The following GPHN variants were observed in gnomAD, a reference collection of about 807,000 sequenced individuals.
GPHN encodes the protein gephyrin.
A neutral mutation model predicts 95.5 loss-of-function variants in GPHN; 17 were observed. The observed-to-expected ratio is 0.18, with a 90% CI of 0.12 to 0.27. GPHN has a LOEUF of 0.27. Ranked by LOEUF, GPHN falls within the 10% of genes least tolerant of loss-of-function variation. The probability of loss-of-function intolerance (pLI) is 1.00; values close to 1 mark genes in which losing one functional copy is unlikely to be tolerated. For synonymous variants in GPHN, 320 were observed against 322.5 expected (o/e 0.99, Z 0.08); for missense variants, 660 against 978.1 (o/e 0.67, Z 4.34).
At chr14:67,350,001 G>A in the GPHN span, among the ~76,000 whole-genome samples, 1 of 152,176 alleles carries the variant, frequency 6.6e-6, no homozygotes, top group African/African-American at 2.4e-5. Context: ...CCTCAGGAAG[G>A]CATTTAATTA....
At chr14:67,331,270 C>T in the GPHN span, among the ~76,000 whole-genome samples, 6 of 152,272 alleles carry the variant, frequency 3.9e-5, no homozygotes, top group African/African-American at 7.2e-5. Context: ...GTCTCAAGCT[C>T]CCGGCCCCAT....
At chr14:67,139,745 G>A (rs192944268) in intron 17 of GPHN, among the ~76,000 whole-genome samples, 1 of 152,230 alleles carries the variant, frequency 6.6e-6, no homozygotes, top group Non-Finnish European at 1.5e-5. Context: ...TAGTAAGGCA[G>A]GATGTCTGAT....
chr14:67,658,045 G>A, the GPHN span, among the ~76,000 whole-genome samples: 533 of 152,230 alleles, frequency 3.5e-3, 3 homozygotes, highest in South Asian at 6.2e-3. Context: ...CACTGTGCCC[G>A]GCGCTCTGTA....
intron 2 of GPHN, among the ~76,000 whole-genome samples, chr14:66,696,678 G>T (rs939936025): frequency 8.5e-5 from 13 of 152,146 alleles, no homozygotes; most frequent in African/African-American, 2.9e-4. Flanking sequence ...AGTTGAGTGG[G>T]GAGCCTGGAT....
chr14:67,187,656 CTCT>C, the GPHN span, among the ~76,000 whole-genome samples: 1 of 152,190 alleles, frequency 6.6e-6, no homozygotes, highest in African/African-American at 2.4e-5. Context: ...ATCATCTAGG[CTCT>C]TCTTCCGTGA....
intron 17 of GPHN, among the ~76,000 whole-genome samples, chr14:67,126,598 C>T (rs1344023200): frequency 6.6e-6 from 1 of 152,032 alleles, no homozygotes; most frequent in African/African-American, 2.4e-5. Flanking sequence ...AAATTTGAAC[C>T]AGATTTTGAA....
At chr14:66,966,234 C>G (rs1258919748) in intron 9 of GPHN, among the ~76,000 whole-genome samples, 1 of 152,070 alleles carries the variant, frequency 6.6e-6, no homozygotes, top group Non-Finnish European at 1.5e-5. Context: ...TTCCTCAATT[C>G]CATCTTTTCT....
At chr14:67,359,732 C>T in the GPHN span, 2 of 1,613,432 alleles carry the variant, frequency 1.2e-6, no homozygotes, top group Non-Finnish European at 1.7e-6. Flanking sequence ...GGTCCCCGGC[C>T]GGGCAACCGA....
intron 2 of GPHN, among the ~76,000 whole-genome samples, chr14:66,762,558 T>A (rs2058797391): frequency 2.1e-5 from 3 of 143,330 alleles, no homozygotes; most frequent in Non-Finnish European, 3.1e-5. Flanking sequence ...TGTCACATAG[T>A]AAAAAAAAAA....
chr14:67,157,179 G>A (rs2081646866), intron 18 of GPHN, among the ~76,000 whole-genome samples: 1 of 151,916 alleles, frequency 6.6e-6, no homozygotes, highest in South Asian at 2.1e-4. Flanking sequence ...ATTGATAACA[G>A]AGAAAATTCT....
chr14:67,196,211 TTTTC>T, the GPHN span, among the ~76,000 whole-genome samples: 6 of 150,102 alleles, frequency 4.0e-5, no homozygotes, highest in Admixed American at 6.7e-5. Context: ...CTTTCTTTTC[TTTTC>T]TTTCTTTCTT....
the GPHN span, among the ~76,000 whole-genome samples, chr14:67,192,788 ATGTG>A: frequency 6.8e-6 from 1 of 148,058 alleles, no homozygotes; most frequent in Non-Finnish European, 1.5e-5. Flanking sequence ...ATATATATGT[ATGTG>A]TGTGTATATA....
chr14:67,279,087 T>A, the GPHN span: 3 of 1,256,504 alleles, frequency 2.4e-6, no homozygotes, highest in African/African-American at 1.5e-5. Flanking sequence ...TGAAGTAACA[T>A]GGATTTTATA....
rs550192384 is a variant in GPHN, at chr14:67,036,306, A to G, written c.1006+12631A>G. Among the ~76,000 whole-genome samples, 32 of 151,488 alleles carry G rather than the reference A, an allele frequency of 2.1e-4. 1 individual carries two copies. Among genetic ancestry groups the G allele is most frequent in the Admixed American group, 1.4e-3 (22 of 15,246 alleles). On this transcript the variant is annotated intron_variant, in intron 10 of 22. Transcript: ENST00000478722. ...AAACTGGAAGCTTTTTTTTTTTAAG[A>G]TCAAGAACAAAGCAAAGATGCTCAT... is the stretch of plus-strand genomic sequence containing the variant.
chr14:66,613,770 A>T (rs1242306843), intron 1 of GPHN, among the ~76,000 whole-genome samples: 3 of 152,130 alleles, frequency 2.0e-5, no homozygotes, highest in African/African-American at 7.2e-5. Flanking sequence ...TTTCTTGGAT[A>T]AATATTAGTA....
intron 1 of GPHN, among the ~76,000 whole-genome samples, chr14:66,553,210 C>T (rs888012101): frequency 5.3e-5 from 8 of 151,964 alleles, no homozygotes; most frequent in African/African-American, 1.7e-4. Flanking sequence ...AGGCTGGTCT[C>T]GAACTTTTGA....
chr14:67,266,336 A>C, the GPHN span, among the ~76,000 whole-genome samples: 1 of 142,124 alleles, frequency 7.0e-6, no homozygotes, highest in Non-Finnish European at 1.5e-5. Flanking sequence ...CAAATATTTC[A>C]ATTTTTTTTT....
the GPHN span, chr14:67,228,646 A>G: frequency 6.6e-6 from 1 of 152,252 alleles, no homozygotes; most frequent in Admixed American, 6.5e-5. Context: ...CAAAACGGTA[A>G]GATTTTCAAT....
In GPHN at chr14:66,724,022, A is replaced by ACAC. The variant is rs2071000562; in HGVS notation, c.143+42837_143+42838insCAC. 1.1e-4 allele frequency among the ~76,000 whole-genome samples: 15 copies of ACAC among 132,348 alleles called. No individual in the cohort carries two copies. In the East Asian group the frequency reaches 2.8e-3, roughly 24 times the overall value. 86.8% of individuals were successfully genotyped at this position (132,348 alleles called of 152,430 possible). A position where few individuals can be genotyped will look rare whatever the true frequency, so the allele number is the denominator to read the frequency against. ...ACACACACACACACACACACACACA[A>ACAC]ACAGATTCAAATAAAGATCTTACAG... On this transcript the variant is annotated intron_variant, in intron 2 of 22. Coordinates refer to ENST00000478722, the MANE Select transcript of GPHN (RefSeq NM_020806.5).
Sources: allele counts gnomAD v4.1 joint callset (sites outside exome capture counted in the v4.1 genomes callset), GRCh38; gene constraint gnomAD v4.1.1; transcripts MANE v1.5; gene names NCBI Gene and HGNC (gene_info 2026-07-23, HGNC 2026-07-21).